Variants in ZNF420 observed in about 807,000 individuals in gnomAD.
ZNF420 encodes the protein ATM and p53-associated KZNF protein.
A neutral mutation model predicts 44.7 loss-of-function variants in ZNF420; 31 were observed. That is an observed-to-expected ratio of 0.69 (90% CI 0.52 to 0.94). ZNF420 has a LOEUF of 0.94. Among genes scored for constraint, ZNF420 ranks in the 40% least tolerant of loss-of-function variants. ZNF420 has a pLI of 0.00. For missense variants in ZNF420, 681 were observed against 827.9 expected, an observed-to-expected ratio of 0.82 and a Z score of 2.18; for synonymous variants, 245 against 267.4, an observed-to-expected ratio of 0.92 and a Z score of 0.82.
chr19:37,053,329 G>A (rs1476256990), intron 1 of ZNF420, among the ~76,000 whole-genome samples: 1 of 152,134 alleles, frequency 6.6e-6, no homozygotes, highest in Non-Finnish European at 1.5e-5. Context: ...GCTCAGAGTA[G>A]TTTGATCATC....
chr19:37,021,720 C>T (rs546966806), intron 1 of ZNF420, among the ~76,000 whole-genome samples: 10 of 151,562 alleles, frequency 6.6e-5, no homozygotes, highest in East Asian at 2.0e-4. Context: ...ATGGGGATCA[C>T]GAGGTCAGGA....
intron 2 of ZNF420, among the ~76,000 whole-genome samples, chr19:37,086,894 G>T (rs1968817949): frequency 6.6e-6 from 1 of 151,970 alleles, no homozygotes; most frequent in Admixed American, 6.6e-5. Context: ...TTTTTATCTT[G>T]TCTTGTTACC....
rs1431641603 is a variant in ZNF420, at chr19:37,020,404, C to T, written c.-125+12322C>T. ...ATTGCAGCCCCACAACAAAACTCTC[C>T]TCTACCCAAAAATATTCCAAACTTG... is the stretch of plus-strand genomic sequence containing the variant. On this transcript the variant is annotated intron_variant, in intron 1 of 4. Coordinates refer to the ZNF420 transcript ENST00000587029. Among the ~76,000 whole-genome samples the T allele has an allele frequency of 2.0e-5, 3 of 152,172 alleles. No homozygotes were observed. In the East Asian group the frequency reaches 5.8e-4, roughly 29 times the overall value.
rs565279573 is a variant in ZNF420 at position 37,048,415 on chromosome 19, T to G, written c.-124-31930T>G. ...AAGACAACCAAAAAGAAATATTGAT[T>G]TATAACTGTTCTAATACTGCTCAGC... is the stretch of plus-strand genomic sequence containing the variant. On this transcript the variant is annotated intron_variant, in intron 1 of 4. Transcript: ENST00000587029. Among the ~76,000 whole-genome samples, 3 of 152,302 alleles carry G rather than the reference T, an allele frequency of 2.0e-5. No individual in the cohort carries two copies. The East Asian group carries it at 5.8e-4, about 29-fold the overall frequency.
intron 2 of ZNF420, among the ~76,000 whole-genome samples, chr19:37,083,954 TAG>T (rs1968616894): frequency 6.6e-6 from 1 of 152,224 alleles, no homozygotes; most frequent in Non-Finnish European, 1.5e-5. Context: ...TAAAAGATTA[TAG>T]AGTTTTTCTT....
intron 4 of ZNF420, among the ~76,000 whole-genome samples, chr19:37,122,521 A>T (rs1271836435): frequency 6.6e-6 from 1 of 152,082 alleles, no homozygotes; most frequent in Non-Finnish European, 1.5e-5. Context: ...CTAAATGACG[A>T]GTTAATGGGT....
chr19:37,008,939 A>C (rs117334833), intron 1 of ZNF420, among the ~76,000 whole-genome samples: 2,656 of 152,236 alleles, frequency 0.017, 39 homozygotes, highest in Middle Eastern at 0.054. Context: ...TTTCTGGTGG[A>C]TTGGGCACGT....
intron 4 of ZNF420, among the ~76,000 whole-genome samples, chr19:37,117,593 C>T (rs1170354116): frequency 6.6e-6 from 1 of 152,138 alleles, no homozygotes; most frequent in Admixed American, 6.5e-5. Flanking sequence ...TGCAGTTCCT[C>T]ACCAGCAACA....
intron 4 of ZNF420, among the ~76,000 whole-genome samples, chr19:37,108,114 C>T (rs1970194831): frequency 6.6e-6 from 1 of 152,128 alleles, no homozygotes; most frequent in African/African-American, 2.4e-5. Context: ...TTGTGAATTC[C>T]ACCATCTTGT....
At chr19:37,027,142 T>C (rs1967174120) in intron 1 of ZNF420, among the ~76,000 whole-genome samples, 1 of 152,248 alleles carries the variant, frequency 6.6e-6, no homozygotes, top group African/African-American at 2.4e-5. Context: ...GAATAATTCC[T>C]TTTTCAAGAG....
At chr19:37,040,485 G>A (rs1048932640) in intron 1 of ZNF420, among the ~76,000 whole-genome samples, 4 of 152,086 alleles carry the variant, frequency 2.6e-5, no homozygotes, top group African/African-American at 9.7e-5. Context: ...TTGGTTTATT[G>A]TAAAAGCAAT....
chr19:37,127,569 A>T lies in ZNF420; in HGVS notation c.578A>T (p.Lys193Ile). Residue 193 changes from lysine (K) to isoleucine (I), a missense_variant, in exon 5 of 5, where the codon AAA becomes ATA. By Grantham distance (102) the Lys-to-Ile change is moderately radical. Coordinates refer to ENST00000337995, the MANE Select transcript of ZNF420 (RefSeq NM_144689.5). ...SLHQRLHTGE[K>I]PYACKECGKA... ...CATCAGAGACTTCATACTGGTGAGA[A>T]ACCCTATGCATGTAAGGAATGTGGG... 6.2e-7 allele frequency: 1 copy of T among 1,614,078 alleles called. No individual in the cohort carries two copies. The highest frequency in any genetic ancestry group is 8.5e-7 in the Non-Finnish European group (1 of 1,179,936).
intron 1 of ZNF420, among the ~76,000 whole-genome samples, chr19:37,060,472 T>C (rs1023975368): frequency 6.6e-6 from 1 of 152,168 alleles, no homozygotes; most frequent in African/African-American, 2.4e-5. Flanking sequence ...TCCCTCTTGC[T>C]CTGTCTCTTC....
intron 1 of ZNF420, among the ~76,000 whole-genome samples, chr19:37,029,125 C>A (rs758115217): frequency 1.3e-5 from 2 of 152,156 alleles, no homozygotes; most frequent in Non-Finnish European, 2.9e-5. Flanking sequence ...GTCCAAGATT[C>A]AGAAATATCT....
intron 1 of ZNF420, among the ~76,000 whole-genome samples, chr19:37,022,437 T>G (rs2074656705): frequency 6.6e-6 from 1 of 152,186 alleles, no homozygotes; most frequent in South Asian, 2.1e-4. Flanking sequence ...AGTGTGTGAT[T>G]CACCTTGACA....
At chr19:37,039,526 T>C (rs375859868) in intron 1 of ZNF420, among the ~76,000 whole-genome samples, 23 of 152,234 alleles carry the variant, frequency 1.5e-4, no homozygotes, top group East Asian at 1.3e-3. Context: ...GGGATTAAAA[T>C]ACTCAGCAAC....
intron 2 of ZNF420, among the ~76,000 whole-genome samples, chr19:37,081,974 A>C (rs1824015486): frequency 6.6e-6 from 1 of 152,054 alleles, no homozygotes; most frequent in African/African-American, 2.4e-5. Flanking sequence ...TCTTTGCTCC[A>C]AACATCTACT....
Position 37,128,945 on chromosome 19 carries a change from T to A in ZNF420, c.1954T>A (p.Phe652Ile). 1 of 1,614,132 alleles carries A rather than the reference T, an allele frequency of 6.2e-7. No individual in the cohort carries two copies. The highest frequency in any genetic ancestry group is 1.1e-5 in the South Asian group (1 of 91,086). The change falls in exon 5 of 5, where the codon TTT becomes ATT. Residue 652 changes from phenylalanine (F) to isoleucine (I), a missense_variant. Transcript: ENST00000337995. ...PYQCKECGKA[F>I]TRGSQLTQHQ... ...TCAATGTAAGGAATGTGGGAAGGCCTTTACTCGTGGTTCACAGCTAACTCA... is the reference window on the plus strand; with the variant it reads ...TCAATGTAAGGAATGTGGGAAGGCCATTACTCGTGGTTCACAGCTAACTCA...
intron 1 of ZNF420, among the ~76,000 whole-genome samples, chr19:37,018,492 G>C (rs371517144): frequency 6.6e-6 from 1 of 152,134 alleles, no homozygotes; most frequent in Non-Finnish European, 1.5e-5. Flanking sequence ...CAGTCAATGG[G>C]GATATGACAG....
Sources: gnomAD v4.1 joint callset for allele counts (sites outside exome capture counted in the v4.1 genomes callset) on GRCh38, gnomAD v4.1.1 for gene constraint, MANE v1.5 for transcripts, NCBI Gene and HGNC (gene_info 2026-07-23, HGNC 2026-07-21) for gene names.